The following WWC1 variants were observed in gnomAD, a reference collection of about 807,000 sequenced individuals.
WWC1 encodes protein KIBRA.
In WWC1, 55 loss-of-function variants were observed where a neutral mutation model predicts 138.4. The observed-to-expected ratio is 0.40, with a 90% CI of 0.32 to 0.50. The LOEUF is 0.50. WWC1 is among the 20% of genes least tolerant of loss of function. The pLI is 0.72. For missense variants in WWC1, 1,226 were observed against 1,420.4 expected (o/e 0.86, Z 2.20); for synonymous variants, 524 against 564.9 (o/e 0.93, Z 1.03).
chr5:168,331,691 C>T (rs1483016369), intron 1 of WWC1, among the ~76,000 whole-genome samples: 1 of 152,154 alleles, frequency 6.6e-6, no homozygotes, highest in Non-Finnish European at 1.5e-5. Context: ...AGCTGTGGCC[C>T]CTCTGTGTTT....
At chr5:168,300,675 G>A (rs936495722) in intron 1 of WWC1, among the ~76,000 whole-genome samples, 1 of 151,208 alleles carries the variant, frequency 6.6e-6, no homozygotes, top group Admixed American at 6.6e-5. Context: ...CTCTGGCAGC[G>A]AGGACACCAG....
intron 3 of WWC1, among the ~76,000 whole-genome samples, chr5:168,391,872 G>A (rs1415577605): frequency 2.7e-5 from 4 of 149,104 alleles, no homozygotes; most frequent in Non-Finnish European, 4.4e-5. Flanking sequence ...GGCAACCTAC[G>A]TAGCAGACCT....
intron 1 of WWC1, among the ~76,000 whole-genome samples, chr5:168,314,733 C>T (rs1771420488): frequency 6.6e-6 from 1 of 152,092 alleles, no homozygotes; most frequent in Non-Finnish European, 1.5e-5. Context: ...GAGGTGGGCT[C>T]CAGGTGTGGG....
At chr5:168,410,284 C>A in intron 8 of WWC1, 1 of 372,524 alleles carries the variant, frequency 2.7e-6, no homozygotes, top group South Asian at 3.8e-5. Flanking sequence ...TTTCTGCAAC[C>A]GAGGCTTTCC....
At chr5:168,467,504 T>C (rs1244186018) in intron 21 of WWC1, among the ~76,000 whole-genome samples, 1 of 152,168 alleles carries the variant, frequency 6.6e-6, no homozygotes, top group Non-Finnish European at 1.5e-5. Context: ...ATTTCTTACT[T>C]TGCTGGAGCC....
At chr5:168,432,447 A>G (rs553897170) in intron 15 of WWC1, among the ~76,000 whole-genome samples, 1 of 152,322 alleles carries the variant, frequency 6.6e-6, no homozygotes, top group South Asian at 2.1e-4. Context: ...ACAGATACTC[A>G]GCTTTCCCAT....
At chr5:168,364,559 A>G (rs545517347) in intron 1 of WWC1, among the ~76,000 whole-genome samples, 54 of 152,346 alleles carry the variant, frequency 3.5e-4, no homozygotes, top group African/African-American at 1.2e-3. Flanking sequence ...CCCTGGAAGC[A>G]GAAACATGGC....
At chr5:168,463,963 A>G (rs1380075924) in intron 20 of WWC1, among the ~76,000 whole-genome samples, 3 of 152,186 alleles carry the variant, frequency 2.0e-5, no homozygotes, top group African/African-American at 7.2e-5. Context: ...TCTCTTTTCC[A>G]AGTAGTTCAG....
At chr5:168,466,986 A>G (rs573071790) in intron 21 of WWC1, among the ~76,000 whole-genome samples, 23 of 152,092 alleles carry the variant, frequency 1.5e-4, no homozygotes, top group Non-Finnish European at 3.2e-4. Context: ...TTTAGGCCGG[A>G]CGCGGTGGCT....
intron 12 of WWC1, 85 bp downstream of exon 12, chr5:168,428,226 AG>A: frequency 7.2e-7 from 1 of 1,390,504 alleles, no homozygotes; most frequent in Non-Finnish European, 9.9e-7. Flanking sequence ...GGAGAGGCTT[AG>A]GTTTTGGCCC....
chr5:168,467,393 T>G (rs1215248666), intron 21 of WWC1, among the ~76,000 whole-genome samples: 3 of 152,210 alleles, frequency 2.0e-5, no homozygotes, highest in Non-Finnish European at 4.4e-5. Flanking sequence ...TACGTTTACA[T>G]TAGGAGGAAG....
At chr5:168,434,301 G>A (rs1380866089) in intron 15 of WWC1, among the ~76,000 whole-genome samples, 2 of 152,280 alleles carry the variant, frequency 1.3e-5, no homozygotes, top group Non-Finnish European at 2.9e-5. Context: ...ATATACGGTG[G>A]GGACATGGAG....
intron 1 of WWC1, among the ~76,000 whole-genome samples, chr5:168,338,498 G>A (rs960042166): frequency 3.4e-5 from 5 of 149,106 alleles, no homozygotes; most frequent in Admixed American, 6.7e-5. Context: ...TGCAACCTCC[G>A]CCTCCCGGGT....
In WWC1 at chr5:168,467,831, T is replaced by C; in HGVS notation, c.3151-9T>C. On this transcript the variant is annotated splice_polypyrimidine_tract_variant and intron_variant, in intron 21 of 22. Transcript: ENST00000265293. ...TCCACTGACTCAGGGCCTTGCTTGC[T>C]TTGCCCAGCAGATGGACCGAGCGGA... 1 of 1,614,132 alleles carries C rather than the reference T, an allele frequency of 6.2e-7. No individual in the cohort carries two copies. Among genetic ancestry groups the C allele is most frequent in the Non-Finnish European group, 8.5e-7 (1 of 1,180,010 alleles).
chr5:168,305,555 G>A (rs1464444920), intron 1 of WWC1, among the ~76,000 whole-genome samples: 2 of 152,186 alleles, frequency 1.3e-5, no homozygotes, highest in South Asian at 2.1e-4. Context: ...AATGCTCCCC[G>A]GGTCCGGAGT....
chr5:168,415,813 G>GGT (rs1561732878), intron 9 of WWC1: 2 of 10,746 alleles, frequency 1.9e-4, no homozygotes, highest in Non-Finnish European at 6.4e-4. Context: ...GGGGGGGGGG[G>GGT]GCGTGTGTGT....
chr5:168,433,207 A>C (rs765291406), intron 15 of WWC1, among the ~76,000 whole-genome samples: 1 of 152,262 alleles, frequency 6.6e-6, no homozygotes, highest in Non-Finnish European at 1.5e-5. Flanking sequence ...GCAGCGCTTC[A>C]AACTGTGCCA....
chr5:168,444,262 G>T (rs1020623630), intron 16 of WWC1, among the ~76,000 whole-genome samples: 1 of 152,200 alleles, frequency 6.6e-6, no homozygotes, highest in African/African-American at 2.4e-5. Context: ...CCATCACGAT[G>T]CTGAGTAAGT....
chr5:168,433,998 G>A (rs375241984), intron 15 of WWC1, among the ~76,000 whole-genome samples: 9 of 152,248 alleles, frequency 5.9e-5, no homozygotes, highest in African/African-American at 1.4e-4. Context: ...GTCCACACAC[G>A]TCAGCGCCTC....
Sources: allele counts gnomAD v4.1 joint callset (sites outside exome capture counted in the v4.1 genomes callset), GRCh38; gene constraint gnomAD v4.1.1; transcripts MANE v1.5; gene names NCBI Gene and HGNC (gene_info 2026-07-23, HGNC 2026-07-21).